GRM1: variants seen among roughly 807,000 people sequenced by gnomAD.
GRM1 encodes the protein glutamate metabotropic receptor 1, also known as metabotropic glutamate receptor 1.
Under a neutral mutation model 90.9 loss-of-function variants are expected in GRM1, and 33 were observed. The observed-to-expected ratio is 0.36, with a 90% CI of 0.28 to 0.49. The LOEUF is 0.49. GRM1 is among the 20% of genes least tolerant of loss of function. GRM1 has a pLI of 0.99. For missense variants in GRM1, 1,190 were observed against 1,534.3 expected (o/e 0.78, Z 3.75); for synonymous variants, 700 against 613.2 (o/e 1.14, Z -2.09).
chr6:146,171,015 C>A (rs1778101989), intron 2 of GRM1, among the ~76,000 whole-genome samples: 1 of 151,958 alleles, frequency 6.6e-6, no homozygotes, highest in South Asian at 2.1e-4. Context: ...CTTGAATAAT[C>A]TTTTTTGAAT....
chr6:146,362,664 C>CAAAAA (rs11432508), intron 5 of GRM1, among the ~76,000 whole-genome samples: 18 of 86,204 alleles, frequency 2.1e-4, no homozygotes, highest in African/African-American at 6.4e-4. Flanking sequence ...GACTCCATCT[C>CAAAAA]AAAAAAAAAA....
At chr6:146,321,579 C>G (rs1784190651) in intron 3 of GRM1, among the ~76,000 whole-genome samples, 1 of 151,504 alleles carries the variant, frequency 6.6e-6, no homozygotes, top group African/African-American at 2.4e-5. Context: ...GTTAAATCTC[C>G]CACTATTATT....
intron 1 of GRM1, among the ~76,000 whole-genome samples, chr6:146,030,571 G>A (rs568063504): frequency 1.3e-4 from 20 of 152,276 alleles, no homozygotes; most frequent in African/African-American, 4.6e-4. Flanking sequence ...TTCAGTGACT[G>A]GCTATGACTT....
At chr6:146,049,856 C>T (rs1342545478) in intron 1 of GRM1, among the ~76,000 whole-genome samples, 1 of 151,884 alleles carries the variant, frequency 6.6e-6, no homozygotes, top group Admixed American at 6.6e-5. Flanking sequence ...TTGGTCCTCT[C>T]GATAACCCTA....
intron 2 of GRM1, among the ~76,000 whole-genome samples, chr6:146,228,956 A>G (rs1780352373): frequency 6.6e-6 from 1 of 152,126 alleles, no homozygotes; most frequent in African/African-American, 2.4e-5. Flanking sequence ...CTGCCAACCT[A>G]GGAAACATAA....
chr6:146,390,808 G>A (rs762336461), intron 6 of GRM1, among the ~76,000 whole-genome samples: 19 of 152,102 alleles, frequency 1.2e-4, no homozygotes, highest in South Asian at 1.0e-3. Context: ...TATGAAACTA[G>A]CCATGTAAAC....
At chr6:146,210,176 T>C (rs1181330571) in intron 2 of GRM1, among the ~76,000 whole-genome samples, 1 of 151,996 alleles carries the variant, frequency 6.6e-6, no homozygotes, top group Non-Finnish European at 1.5e-5. Flanking sequence ...AAGGAAGGAG[T>C]TGAGAAGCAT....
At chr6:146,058,278 T>G (rs770612145) in intron 1 of GRM1, among the ~76,000 whole-genome samples, 47 of 152,124 alleles carry the variant, frequency 3.1e-4, no homozygotes, top group Non-Finnish European at 1.8e-4. Context: ...ACCTCAGAGA[T>G]GTTTTGGATT....
intron 2 of GRM1, among the ~76,000 whole-genome samples, chr6:146,242,639 G>A (rs1378867896): frequency 6.6e-6 from 1 of 151,998 alleles, no homozygotes; most frequent in African/African-American, 2.4e-5. Flanking sequence ...TCTGAATCTG[G>A]TCATTACTTT....
chr6:146,243,021 A>T (rs1448715268), intron 2 of GRM1, among the ~76,000 whole-genome samples: 1 of 152,100 alleles, frequency 6.6e-6, no homozygotes, highest in East Asian at 1.9e-4. Flanking sequence ...AGTCCCAGAG[A>T]GGTCACCTGA....
rs1431747102 is a variant in GRM1, at chr6:146,434,903, G to C, written c.*107G>C. ...AGCCTGGGAGTGGGGGGCCTCGTCGGGAGGACAGGAGACCGCTGCTGCTGC... is the reference window on the plus strand; with the variant it reads ...AGCCTGGGAGTGGGGGGCCTCGTCGCGAGGACAGGAGACCGCTGCTGCTGC... On this transcript the variant is annotated 3_prime_UTR_variant, in exon 8 of 8. Transcript: ENST00000282753. 1 of 940,534 alleles carries C rather than the reference G, an allele frequency of 1.1e-6. No homozygotes were observed. Among genetic ancestry groups the C allele is most frequent in the Non-Finnish European group, 1.7e-6 (1 of 596,210 alleles). The allele number at this position is 940,534 out of a possible 1,614,324, so 58.3% of individuals were successfully genotyped here. A position where few individuals can be genotyped will look rare whatever the true frequency, so the allele number is the denominator to read the frequency against.
At chr6:146,228,375 A>G (rs1221073029) in intron 2 of GRM1, among the ~76,000 whole-genome samples, 2 of 152,188 alleles carry the variant, frequency 1.3e-5, no homozygotes, top group Non-Finnish European at 2.9e-5. Context: ...CTGCAAAAGA[A>G]AGGAGCACCA....
At chr6:146,145,451 A>G (rs1335947851) in intron 1 of GRM1, among the ~76,000 whole-genome samples, 1 of 152,064 alleles carries the variant, frequency 6.6e-6, no homozygotes, top group Non-Finnish European at 1.5e-5. Context: ...CCACTTCAGA[A>G]CTCTACTCTC....
At chr6:146,325,621 G>A (rs1198131568) in intron 3 of GRM1, among the ~76,000 whole-genome samples, 3 of 152,138 alleles carry the variant, frequency 2.0e-5, no homozygotes, top group African/African-American at 4.8e-5. Context: ...TGTAGCAAAC[G>A]GCTAGGAATC....
At chr6:146,091,475 C>G (rs1442638881) in intron 1 of GRM1, among the ~76,000 whole-genome samples, 1 of 151,908 alleles carries the variant, frequency 6.6e-6, no homozygotes, top group Non-Finnish European at 1.5e-5. Flanking sequence ...CAGATGAGTA[C>G]AAGTGTGCTA....
At chr6:146,232,426 A>G (rs1298709974) in intron 2 of GRM1, among the ~76,000 whole-genome samples, 1 of 152,040 alleles carries the variant, frequency 6.6e-6, no homozygotes, top group East Asian at 1.9e-4. Flanking sequence ...GCATATATTT[A>G]TATGGTACAT....
chr6:146,427,259 C>T (rs541732243), intron 7 of GRM1, among the ~76,000 whole-genome samples: 25 of 152,244 alleles, frequency 1.6e-4, no homozygotes, highest in Non-Finnish European at 2.8e-4. Flanking sequence ...CAGATTTCCT[C>T]GTCTGATAAA....
chr6:146,385,004 G>A (rs1776451014), intron 5 of GRM1, among the ~76,000 whole-genome samples: 1 of 152,070 alleles, frequency 6.6e-6, no homozygotes, highest in African/African-American at 2.4e-5. Flanking sequence ...TCAGTTACTT[G>A]CAGAGTAATA....
intron 1 of GRM1, among the ~76,000 whole-genome samples, chr6:146,116,329 C>T (rs1273848052): frequency 6.6e-6 from 1 of 152,020 alleles, no homozygotes; most frequent in Non-Finnish European, 1.5e-5. Flanking sequence ...AAGGAATTAG[C>T]CTTGAATTTT....
Sources: gnomAD v4.1 joint callset for allele counts (sites outside exome capture counted in the v4.1 genomes callset) on GRCh38, gnomAD v4.1.1 for gene constraint, MANE v1.5 for transcripts, NCBI Gene and HGNC (gene_info 2026-07-23, HGNC 2026-07-21) for gene names.